LRPAP1: variants seen among roughly 807,000 people sequenced by gnomAD.
LRPAP1 encodes LDL receptor related protein associated protein 1, also known as alpha-2-macroglobulin receptor-associated protein.
A neutral mutation model predicts 39.9 loss-of-function variants in LRPAP1; 41 were observed. The observed-to-expected ratio is 1.03, with a 90% CI of 0.80 to 1.33. The LOEUF (loss-of-function observed/expected upper bound fraction) is 1.33. Ranked by LOEUF, LRPAP1 falls within the 40% of genes most tolerant of loss-of-function variation. The probability of loss-of-function intolerance (pLI) is 0.00; values close to 1 mark genes in which losing one functional copy is unlikely to be tolerated. For synonymous variants in LRPAP1, 263 were observed against 212.7 expected, an observed-to-expected ratio of 1.24 and a Z score of -2.06; for missense variants, 565 against 482.3, an observed-to-expected ratio of 1.17 and a Z score of -1.61.
Position 3,513,046 on chromosome 4 carries a change from G to A in LRPAP1, c.1012-10C>T, listed in dbSNP as rs200937223. On this transcript the variant is annotated splice_polypyrimidine_tract_variant and intron_variant, in intron 7 of 7. Coordinates refer to ENST00000650182, the MANE Select transcript of LRPAP1 (RefSeq NM_002337.4). ...GCAGATGCTTCTTCACCTGTGGACA[G>A]AAACGTCTCATCAGCTGGGGACAGC... 1.9e-6 allele frequency: 3 copies of A among 1,610,594 alleles called. No homozygotes were observed. The highest frequency in any genetic ancestry group is 2.5e-6 in the Non-Finnish European group (3 of 1,178,196).
intron 2 of LRPAP1, among the ~76,000 whole-genome samples, chr4:3,522,745 C>T (rs540088911): frequency 6.6e-6 from 1 of 151,960 alleles, no homozygotes; most frequent in Non-Finnish European, 1.5e-5. Context: ...GCCCCACACT[C>T]CCTGCCTGGG....
rs916011450 is a variant in LRPAP1, at chr4:3,532,243, T to C, written c.170A>G (p.Glu57Gly). The change falls in exon 1 of 8, where the codon GAG becomes GGG. Residue 57 changes from glutamate (E) to glycine (G), a missense_variant. By Grantham distance (98) the Glu-to-Gly change is moderately conservative (BLOSUM62 -2). Transcript: ENST00000650182. ...CTTCTCCCACAGCTGGTTCAACTTC[T>C]CCATGCGGAACTCCTCTCCGGACTC... ...KRESGEEFRM[E>G]KLNQLWEKAQ... 1.9e-6 allele frequency: 3 copies of C among 1,551,430 alleles called. No homozygotes were observed. The Admixed American group carries it at 5.9e-5, about 30-fold the overall frequency.
intron 1 of LRPAP1, among the ~76,000 whole-genome samples, chr4:3,528,630 C>T (rs934299575): frequency 3.3e-5 from 5 of 152,220 alleles, no homozygotes; most frequent in Admixed American, 6.5e-5. Flanking sequence ...TGAGTGCCCG[C>T]GCCAGACTGC....
chr4:3,521,209 G>C (rs1729899236), intron 2 of LRPAP1, among the ~76,000 whole-genome samples: 1 of 152,200 alleles, frequency 6.6e-6, no homozygotes, highest in Admixed American at 6.5e-5. Flanking sequence ...AATTCTCCCA[G>C]GGCCCCGCCT....
rs776519916 is a variant in LRPAP1, at chr4:3,514,911, G to A, written c.852C>T (p.Phe284=). The change falls in exon 7 of 8, where the codon TTC becomes TTT. Residue 284 remains phenylalanine, a synonymous_variant. Transcript: ENST00000650182. ...LEAFREELKH[F]EAKIEKHNHY... is the part of the protein sequence containing the mutation. The stretch of plus-strand genomic sequence containing the variant: ...GGTTGTGCTTCTCGATTTTGGCTTC[G>A]AAGTGCTTGAGCTCCTCCTGGAACA... 8.7e-6 allele frequency: 14 copies of A among 1,613,630 alleles called. No individual in the cohort carries two copies. The highest frequency in any genetic ancestry group is 6.7e-5 in the African/African-American group (5 of 74,950).
chr4:3,521,389 C>T (rs1560257707), intron 2 of LRPAP1, among the ~76,000 whole-genome samples: 1 of 152,180 alleles, frequency 6.6e-6, no homozygotes, highest in Non-Finnish European at 1.5e-5. Context: ...GGGCCTTCAC[C>T]CGTGACCCTA....
chr4:3,532,377 C>T lies in LRPAP1; in HGVS notation c.36G>A (p.Gly12=), dbSNP rs754525703. Residue 12 remains glycine (G), a synonymous_variant, in exon 1 of 8, where the codon GGG becomes GGA. Transcript: ENST00000650182. ...GCAGCAGCAGTAGCAGCGCCGGGAG[C>T]CCGCGCAGAAACGACCTGACCCTCC... The part of the protein sequence containing the change: ...APRRVRSFLR[G]LPALLLLLLF... 10 of 1,591,828 alleles carry T rather than the reference C, an allele frequency of 6.3e-6. No individual in the cohort carries two copies. In the Admixed American group the frequency reaches 1.2e-4, roughly 19 times the overall value.
Position 3,528,306 on chromosome 4 carries a change from T to C in LRPAP1, c.205-3255A>G, listed in dbSNP as rs183701438. On this transcript the variant is annotated intron_variant, in intron 1 of 7. Transcript: ENST00000650182. ...GGCTCAGCTGATCAAACGACGCCGG[T>C]CCTGTGTCCCCAGACACAAGCAGAG... 5.6e-3 allele frequency among the ~76,000 whole-genome samples: 855 copies of C among 152,274 alleles called. 3 individuals are homozygous for C. The highest frequency in any genetic ancestry group is 8.1e-3 in the Non-Finnish European group (554 of 68,020).
Position 3,508,608 on chromosome 4 carries a change from T to C in LRPAP1, c.*4366A>G, listed in dbSNP as rs1302935238. On this transcript the variant is annotated 3_prime_UTR_variant, in exon 8 of 8. Coordinates refer to ENST00000650182, the MANE Select transcript of LRPAP1 (RefSeq NM_002337.4). ...ATGCAGAGAAAAGGCCAATGCACCA[T>C]GGCCACAGGGACTTACCTGGAAATG... 3 of 152,136 alleles carry C rather than the reference T, an allele frequency of 2.0e-5. No homozygotes were observed. Among genetic ancestry groups the C allele is most frequent in the African/African-American group, 4.8e-5 (2 of 41,422 alleles). 9.4% of individuals were successfully genotyped at this position (152,136 alleles called of 1,614,324 possible). A position where few individuals can be genotyped will look rare whatever the true frequency, so the allele number is the denominator to read the frequency against.
rs540932430 is a variant in LRPAP1 at position 3,507,645 on chromosome 4, T to C, written c.*5329A>G. 6.6e-6 allele frequency: 1 copy of C among 152,208 alleles called. No homozygotes were observed. The highest frequency in any genetic ancestry group is 2.4e-5 in the African/African-American group (1 of 41,510). The allele number at this position is 152,208 out of a possible 1,614,324, so 9.4% of individuals were successfully genotyped here. ...TCTTTCATATTCTTCATCAATGATC[T>C]AAGCCTCTATCAAAAGAACCTAAAA... is the stretch of plus-strand genomic sequence containing the variant. On this transcript the variant is annotated 3_prime_UTR_variant, in exon 8 of 8. Coordinates refer to ENST00000650182, the MANE Select transcript of LRPAP1 (RefSeq NM_002337.4).
intron 5 of LRPAP1, 105 bp from the exon 6 acceptor site, chr4:3,516,303 A>T: frequency 1.2e-6 from 1 of 827,366 alleles, no homozygotes; most frequent in Non-Finnish European, 1.9e-6. Flanking sequence ...GAGGGTTTGC[A>T]GGCGCGACCT....
At position 3,521,666 on chromosome 4, in the gene LRPAP1, C is replaced by T. The variant is rs146608624; in HGVS notation, c.350-1473G>A. Among the ~76,000 whole-genome samples, 31 of 152,306 alleles carry T rather than the reference C, an allele frequency of 2.0e-4. No homozygotes were observed. In the East Asian group the frequency reaches 4.8e-3, roughly 24 times the overall value. ...TGCTTCTTGTGTTCCAGCCTGGAAG[C>T]GCTTGTGATCTTCCTAAGCGTGAAA... On this transcript the variant is annotated intron_variant, in intron 2 of 7. Transcript: ENST00000650182.
In LRPAP1 at chr4:3,518,906, T is replaced by C; in HGVS notation, c.557A>G (p.Tyr186Cys). The change falls in exon 4 of 8, where the codon TAC (tyrosine) becomes TGC (cysteine). Residue 186 changes from tyrosine (Y) to cysteine (C), a missense_variant. Physicochemically the swap from Tyr to Cys is radical, Grantham distance 194. Transcript: ENST00000650182. ...GCTCAGGGTCTCCAGCAGGACGTTG[T>C]ACTCGTGAACTTTCTCTTTGTGATG... ...FLHHKEKVHEYNVLLETLSRT... is the reference protein window; with the variant it reads ...FLHHKEKVHECNVLLETLSRT... 2 of 1,613,394 alleles carry C rather than the reference T, an allele frequency of 1.2e-6. No homozygotes were observed. Among genetic ancestry groups the C allele is most frequent in the Non-Finnish European group, 1.7e-6 (2 of 1,179,840 alleles).
At chr4:3,522,192 C>A (rs866902008) in intron 2 of LRPAP1, among the ~76,000 whole-genome samples, 1 of 152,222 alleles carries the variant, frequency 6.6e-6, no homozygotes, top group Non-Finnish European at 1.5e-5. Flanking sequence ...AGGCCGTGCA[C>A]CCCTGAGCCC....
Position 3,532,350 on chromosome 4 carries a change from G to GAGC in LRPAP1, c.60_62dup (p.Leu21dup). The stretch of plus-strand genomic sequence containing the variant: ...TCGCAGCGGGCCAGGGCCCGAGGAA[G>GAGC]AGCAGCAGCAGTAGCAGCGCCGGGA... On this transcript the variant is annotated inframe_insertion, in exon 1 of 8. Transcript: ENST00000650182. 6.3e-7 allele frequency: 1 copy of GAGC among 1,594,446 alleles called. No individual in the cohort carries two copies. Among genetic ancestry groups the GAGC allele is most frequent in the Non-Finnish European group, 8.5e-7 (1 of 1,170,906 alleles).
In LRPAP1 at chr4:3,524,314, C is replaced by A. The variant is rs373062563; in HGVS notation, c.349+593G>T. The stretch of plus-strand genomic sequence containing the variant: ...GACTGTCCTGCCTCTTCTTGAATAC[C>A]CACAGGGACGAGGACTCACTAAGCG... On this transcript the variant is annotated intron_variant, in intron 2 of 7. Transcript: ENST00000650182. Among the ~76,000 whole-genome samples, 103 of 152,346 alleles carry A rather than the reference C, an allele frequency of 6.8e-4. 1 individual carries two copies. The South Asian group carries it at 0.021, about 31-fold the overall frequency.
chr4:3,530,624 C>G (rs552938165), intron 1 of LRPAP1, among the ~76,000 whole-genome samples: 1 of 152,334 alleles, frequency 6.6e-6, no homozygotes, highest in Non-Finnish European at 1.5e-5. Flanking sequence ...CAACCCAAGA[C>G]TGAAACTGGT....
intron 1 of LRPAP1, 53 bp downstream of exon 1, chr4:3,532,156 A>T: frequency 6.6e-7 from 1 of 1,519,368 alleles, no homozygotes; most frequent in Non-Finnish European, 8.9e-7. Context: ...CAACGACCCC[A>T]ACCACGGCCC....
At chr4:3,531,233 AATCCC>A (rs1213856970) in intron 1 of LRPAP1, among the ~76,000 whole-genome samples, 8 of 152,124 alleles carry the variant, frequency 5.3e-5, no homozygotes, top group Non-Finnish European at 8.8e-5. Context: ...CCCAGGCGTC[AATCCC>A]CATCCCCACG....
Sources: gnomAD v4.1 joint callset for allele counts (sites outside exome capture counted in the v4.1 genomes callset) on GRCh38, gnomAD v4.1.1 for gene constraint, MANE v1.5 for transcripts, NCBI Gene and HGNC (gene_info 2026-07-23, HGNC 2026-07-21) for gene names.